The following LHFPL4 variants were observed in gnomAD, a reference collection of about 807,000 sequenced individuals.
LHFPL4 encodes the protein LHFPL tetraspan subfamily member 4.
In LHFPL4, 6 loss-of-function variants were observed where a neutral mutation model predicts 20.0. The observed-to-expected ratio is 0.30, with a 90% CI of 0.16 to 0.59. The LOEUF is 0.59. LHFPL4 is among the 20% of genes least tolerant of loss of function. The pLI, the probability that LHFPL4 is intolerant of heterozygous loss-of-function variation, is 0.88. For missense variants in LHFPL4, 215 were observed against 331.2 expected (o/e 0.65, Z 2.72); for synonymous variants, 129 against 143.8 (o/e 0.90, Z 0.74).
intron 2 of LHFPL4, among the ~76,000 whole-genome samples, chr3:9,528,386 A>G (rs1486465500): frequency 6.6e-6 from 1 of 151,890 alleles, no homozygotes; most frequent in African/African-American, 2.4e-5. Context: ...ATAAGAAGCA[A>G]CTCCTCATCC....
At chr3:9,507,085 C>T (rs970362979) in intron 2 of LHFPL4, among the ~76,000 whole-genome samples, 1 of 152,198 alleles carries the variant, frequency 6.6e-6, no homozygotes, top group Non-Finnish European at 1.5e-5. Flanking sequence ...GCCGCTGAAC[C>T]TGAACAGGCC....
chr3:9,550,065 C>T (rs536954330), intron 2 of LHFPL4, among the ~76,000 whole-genome samples: 3 of 152,198 alleles, frequency 2.0e-5, no homozygotes, highest in Non-Finnish European at 4.4e-5. Flanking sequence ...TCTACCTGCT[C>T]CCAGTCCCCT....
intron 2 of LHFPL4, among the ~76,000 whole-genome samples, chr3:9,534,821 C>T (rs556403935): frequency 1.3e-5 from 2 of 152,156 alleles, no homozygotes; most frequent in Admixed American, 6.5e-5. Flanking sequence ...AAAAATGAAA[C>T]GTTTAAACCT....
chr3:9,511,283 G>A (rs778497470), intron 2 of LHFPL4, among the ~76,000 whole-genome samples: 34 of 151,916 alleles, frequency 2.2e-4, no homozygotes, highest in Non-Finnish European at 3.5e-4. Context: ...CCCAGGAGAT[G>A]GAGCTTGCAG....
chr3:9,528,584 CCTT>C (rs1326143307), intron 2 of LHFPL4, among the ~76,000 whole-genome samples: 6 of 152,216 alleles, frequency 3.9e-5, no homozygotes, highest in Admixed American at 3.9e-4. Flanking sequence ...GACATTTTGA[CCTT>C]CTCTCATGAA....
At chr3:9,504,561 C>T (rs536507036) in intron 3 of LHFPL4, among the ~76,000 whole-genome samples, 1 of 152,126 alleles carries the variant, frequency 6.6e-6, no homozygotes, top group Non-Finnish European at 1.5e-5. Context: ...CACGGTGGCT[C>T]ACACCTGTAA....
intron 2 of LHFPL4, among the ~76,000 whole-genome samples, chr3:9,510,702 C>G (rs1450074885): frequency 6.6e-6 from 1 of 152,070 alleles, no homozygotes; most frequent in Non-Finnish European, 1.5e-5. Flanking sequence ...CTCTGTGAGG[C>G]CAAGACGAGT....
intron 2 of LHFPL4, among the ~76,000 whole-genome samples, chr3:9,513,495 C>G (rs1273608244): frequency 6.6e-6 from 1 of 151,980 alleles, no homozygotes; most frequent in Non-Finnish European, 1.5e-5. Flanking sequence ...CCATGCTCAG[C>G]TAATTAAAAA....
Position 9,506,681 on chromosome 3 carries a change from A to G in LHFPL4, c.407-478T>C, listed in dbSNP as rs2046221124. On this transcript the variant is annotated intron_variant, in intron 2 of 3. Transcript: ENST00000287585. The surrounding 1 kb of genome is among the most constrained non-coding windows in gnomAD (Gnocchi z 4.5). ...CTGTAACCTCCACCTCCCGGGCTCA[A>G]GCAATTCTCCTGCCTCAGCCTCCTG... 6.6e-6 allele frequency among the ~76,000 whole-genome samples: 1 copy of G among 152,022 alleles called. No homozygotes were observed. Among genetic ancestry groups the G allele is most frequent in the Admixed American group, 6.6e-5 (1 of 15,258 alleles).
rs574431292 is a variant in LHFPL4 at position 9,516,781 on chromosome 3, C to CTTT, written c.407-10581_407-10579dup. Reference sequence around the variant, plus strand: ...GAGCCATTGCGCCCAGCCACACAATCTTTTTTTTTTTTTTTTTTTTTGAGA... The same window carrying CTTT: ...GAGCCATTGCGCCCAGCCACACAATCTTTTTTTTTTTTTTTTTTTTTTTTGAGA... On this transcript the variant is annotated intron_variant, in intron 2 of 3. Transcript: ENST00000287585. 8.3e-4 allele frequency among the ~76,000 whole-genome samples: 93 copies of CTTT among 111,866 alleles called. 2 individuals are homozygous for CTTT. The highest frequency in any genetic ancestry group is 6.0e-3 in the South Asian group (20 of 3,320). 73.4% of individuals were successfully genotyped at this position (111,866 alleles called of 152,430 possible). A position where few individuals can be genotyped will look rare whatever the true frequency, so the allele number is the denominator to read the frequency against.
In LHFPL4 at chr3:9,514,317, T is replaced by C. The variant is rs1041946561; in HGVS notation, c.407-8114A>G. Among the ~76,000 whole-genome samples the C allele has an allele frequency of 2.4e-4, 36 of 152,146 alleles. 1 individual carries two copies. The highest frequency in any genetic ancestry group is 8.4e-4 in the African/African-American group (35 of 41,424). On this transcript the variant is annotated intron_variant, in intron 2 of 3. Coordinates refer to ENST00000287585, the MANE Select transcript of LHFPL4 (RefSeq NM_198560.3). ...CAGTCAAGGTACAGAATACTGTATA[T>C]AGTATAATCCCATCAATTTTTAAAT...
intron 2 of LHFPL4, among the ~76,000 whole-genome samples, chr3:9,530,259 A>C (rs1475754772): frequency 6.6e-6 from 1 of 152,206 alleles, no homozygotes; most frequent in Non-Finnish European, 1.5e-5. Context: ...TTTCATCTAC[A>C]CTGAAAATCT....
At chr3:9,514,785 T>C (rs574784054) in intron 2 of LHFPL4, among the ~76,000 whole-genome samples, 4 of 152,340 alleles carry the variant, frequency 2.6e-5, no homozygotes, top group East Asian at 1.9e-4. Context: ...GACTTGGACT[T>C]AGTAATATGC....
intron 2 of LHFPL4, among the ~76,000 whole-genome samples, chr3:9,536,283 T>C (rs2046443997): frequency 6.6e-6 from 1 of 152,192 alleles, no homozygotes; most frequent in South Asian, 2.1e-4. Context: ...GGGCAGGGGC[T>C]TATCTTACAA....
At position 9,506,793 on chromosome 3, in the gene LHFPL4, C is replaced by T. The variant is rs2046221895; in HGVS notation, c.407-590G>A. Among the ~76,000 whole-genome samples, 1 of 152,130 alleles carries T rather than the reference C, an allele frequency of 6.6e-6. No homozygotes were observed. Among genetic ancestry groups the T allele is most frequent in the African/African-American group, 2.4e-5 (1 of 41,418 alleles). On this transcript the variant is annotated intron_variant, in intron 2 of 3. Coordinates refer to ENST00000287585, the MANE Select transcript of LHFPL4 (RefSeq NM_198560.3). The surrounding 1 kb of genome is among the most constrained non-coding windows in gnomAD (Gnocchi z 4.5). ...ATGAGGTTTCACCATGTTGGCCAGG[C>T]TGGTCTCGAACTCCTAACCTCAAGT...
At chr3:9,527,560 TAGTC>T (rs970782047) in intron 2 of LHFPL4, among the ~76,000 whole-genome samples, 1 of 151,666 alleles carries the variant, frequency 6.6e-6, no homozygotes, top group South Asian at 2.1e-4. Context: ...TACAAAAAAT[TAGTC>T]AGGCATGGTA....
intron 3 of LHFPL4, among the ~76,000 whole-genome samples, chr3:9,504,642 G>A (rs547329487): frequency 2.7e-4 from 41 of 152,138 alleles, no homozygotes; most frequent in South Asian, 1.9e-3. Flanking sequence ...TGGCTAACAC[G>A]GTGAAACCCC....
intron 2 of LHFPL4, among the ~76,000 whole-genome samples, chr3:9,535,477 G>C (rs2046439245): frequency 6.6e-6 from 1 of 152,172 alleles, no homozygotes; most frequent in Non-Finnish European, 1.5e-5. Context: ...AGACTATGCA[G>C]TGAAGAATGA....
In LHFPL4 at chr3:9,538,692, G is replaced by T. The variant is rs549607156; in HGVS notation, c.406+13582C>A. ...ACACCACAGTCAGAATTTAAATTCA[G>T]GTTTTCTTTCTTTTTTTTTTTTTTT... On this transcript the variant is annotated intron_variant, in intron 2 of 3. Coordinates refer to ENST00000287585, the MANE Select transcript of LHFPL4 (RefSeq NM_198560.3). 8.8e-5 allele frequency among the ~76,000 whole-genome samples: 13 copies of T among 147,766 alleles called. No homozygotes were observed. In the East Asian group the frequency reaches 2.8e-3, roughly 31 times the overall value.
Sources: gnomAD v4.1 joint callset for allele counts (sites outside exome capture counted in the v4.1 genomes callset) on GRCh38, gnomAD v4.1.1 for gene constraint, Gnocchi (gnomAD v3.1) non-coding constraint, MANE v1.5 for transcripts, NCBI Gene and HGNC (gene_info 2026-07-23, HGNC 2026-07-21) for gene names.